The following TTC6 variants were observed in gnomAD, a reference collection of about 807,000 sequenced individuals.
TTC6 encodes tetratricopeptide repeat protein 6.
TTC6 carries 172 observed loss-of-function variants against 210.4 expected under a neutral mutation model. The ratio of observed to expected loss-of-function variants is 0.82; its 90% CI spans 0.72 to 0.93. TTC6 has a LOEUF of 0.93. TTC6 is among the 40% of genes least tolerant of loss of function. The pLI is 0.00. For missense variants in TTC6, 2,414 were observed against 2,318.1 expected, an observed-to-expected ratio of 1.04 and a Z score of -0.85; for synonymous variants, 804 against 819.6, an observed-to-expected ratio of 0.98 and a Z score of 0.32.
chr14:37,808,453 C>T (rs2096123144), intron 23 of TTC6, among the ~76,000 whole-genome samples: 1 of 152,084 alleles, frequency 6.6e-6, no homozygotes, highest in Non-Finnish European at 1.5e-5. Context: ...TTCTCCTTGC[C>T]ATATACCAAC....
In TTC6 at chr14:37,841,429, T is replaced by G. The variant is rs1222264444; in HGVS notation, c.5299-16T>G. 6.4e-7 allele frequency: 1 copy of G among 1,567,958 alleles called. No individual in the cohort carries two copies. The highest frequency in any genetic ancestry group is 8.6e-7 in the Non-Finnish European group (1 of 1,160,258). ...AGTTGCCAATTAAAATATATCATTA[T>G]CTTCATATTTTGTAGGCCAGTGACT... On this transcript the variant is annotated splice_polypyrimidine_tract_variant and intron_variant, in intron 29 of 30. Coordinates refer to ENST00000553443, the Ensembl canonical transcript of TTC6.
intron 3 of TTC6, among the ~76,000 whole-genome samples, chr14:37,689,823 A>G (rs2095800300): frequency 6.6e-6 from 1 of 152,188 alleles, no homozygotes; most frequent in Non-Finnish European, 1.5e-5. Context: ...TACTAAAAGG[A>G]GTACTTCAAC....
chr14:37,813,158 T>C (rs2096133552), intron 25 of TTC6, among the ~76,000 whole-genome samples: 1 of 152,190 alleles, frequency 6.6e-6, no homozygotes, highest in Admixed American at 6.5e-5. Context: ...CATCCTGTTC[T>C]TTTCACCTCC....
upstream of TTC6, among the ~76,000 whole-genome samples, chr14:37,617,430 C>A (rs1338536981): frequency 1.3e-5 from 2 of 152,064 alleles, no homozygotes; most frequent in African/African-American, 4.8e-5. Flanking sequence ...AGAGAGAAAC[C>A]TCTTCTGAGC....
intron 29 of TTC6, among the ~76,000 whole-genome samples, chr14:37,834,223 A>G (rs1195192928): frequency 6.6e-6 from 1 of 152,076 alleles, no homozygotes; most frequent in African/African-American, 2.4e-5. Flanking sequence ...ATCTATATGT[A>G]TATCTCTTCC....
At chr14:37,825,456 C>A (rs2096168683) in intron 27 of TTC6, among the ~76,000 whole-genome samples, 1 of 151,988 alleles carries the variant, frequency 6.6e-6, no homozygotes, top group Non-Finnish European at 1.5e-5. Flanking sequence ...CGAGATCTGG[C>A]AAGATGGGTT....
upstream of TTC6, among the ~76,000 whole-genome samples, chr14:37,617,788 C>A (rs2095645094): frequency 6.6e-6 from 1 of 152,122 alleles, no homozygotes; most frequent in Admixed American, 6.5e-5. Flanking sequence ...TAAGAAGTTT[C>A]TTTTGGAACT....
At chr14:37,751,909 T>C (rs2095953353) in intron 13 of TTC6, among the ~76,000 whole-genome samples, 1 of 150,118 alleles carries the variant, frequency 6.7e-6, no homozygotes, top group Admixed American at 6.7e-5. Context: ...CTGCAAGCTC[T>C]GCCTCCGGGA....
At chr14:37,601,949 G>T (rs942059795) in intron 1 of TTC6, among the ~76,000 whole-genome samples, 12 of 152,202 alleles carry the variant, frequency 7.9e-5, no homozygotes, top group African/African-American at 2.9e-4. Context: ...ACTAGGAGCT[G>T]GAAAGGAAAC....
intron 14 of TTC6, among the ~76,000 whole-genome samples, chr14:37,784,107 G>T (rs1326705532): frequency 6.6e-6 from 1 of 152,242 alleles, no homozygotes; most frequent in African/African-American, 2.4e-5. Flanking sequence ...TGTATATTCT[G>T]TTGATTTGGG....
chr14:37,795,128 T>G, intron 17 of TTC6, 142 bp from the exon 20 acceptor site: 1 of 471,624 alleles, frequency 2.1e-6, no homozygotes, highest in Non-Finnish European at 3.7e-6. Flanking sequence ...TGTATCCCAT[T>G]TGCTTTGTAG....
intron 3 of TTC6, among the ~76,000 whole-genome samples, chr14:37,686,800 T>G (rs2095794753): frequency 6.6e-6 from 1 of 152,136 alleles, no homozygotes; most frequent in Non-Finnish European, 1.5e-5. Flanking sequence ...GATTCACTTA[T>G]CTCCCACTGG....
chr14:37,757,083 G>C (rs979876948), intron 14 of TTC6, among the ~76,000 whole-genome samples: 1 of 151,804 alleles, frequency 6.6e-6, no homozygotes, highest in Non-Finnish European at 1.5e-5. Context: ...CTTGGGAGGG[G>C]GTATGTGTCC....
intron 4 of TTC6, among the ~76,000 whole-genome samples, chr14:37,699,531 A>G (rs1277606200): frequency 1.3e-5 from 2 of 152,220 alleles, no homozygotes; most frequent in African/African-American, 2.4e-5. Flanking sequence ...GCAGTAAGCA[A>G]CAACCAATCA....
chr14:37,646,413 TA>T (rs144204929), intron 1 of TTC6, among the ~76,000 whole-genome samples: 8,460 of 152,106 alleles, frequency 0.056, 356 homozygotes, highest in Non-Finnish European at 0.087. Flanking sequence ...TTCTGGTGCT[TA>T]AAAAGACCTT....
intron 3 of TTC6, among the ~76,000 whole-genome samples, chr14:37,693,850 G>A (rs1163864513): frequency 6.6e-6 from 1 of 152,106 alleles, no homozygotes; most frequent in Non-Finnish European, 1.5e-5. Context: ...TCTTCAATAA[G>A]TGATGCTGGG....
chr14:37,712,311 T>C (rs2095845895), intron 5 of TTC6, among the ~76,000 whole-genome samples: 1 of 152,204 alleles, frequency 6.6e-6, no homozygotes, highest in Non-Finnish European at 1.5e-5. Flanking sequence ...AACTTCTTAG[T>C]CACTGCTCTC....
intron 1 of TTC6, 68 bp from the exon 4 acceptor site, chr14:37,680,083 G>C (rs894862345): frequency 1.2e-6 from 1 of 844,458 alleles, no homozygotes; most frequent in South Asian, 1.7e-5. Context: ...TAGCATTTTA[G>C]TATAATGAAT....
intron 5 of TTC6, among the ~76,000 whole-genome samples, chr14:37,711,602 G>A (rs1432107341): frequency 6.6e-6 from 1 of 152,136 alleles, no homozygotes; most frequent in Non-Finnish European, 1.5e-5. Context: ...TGGGTGGAAG[G>A]TTGGGGGAAG....
Sources: gnomAD v4.1 joint callset for allele counts (sites outside exome capture counted in the v4.1 genomes callset) on GRCh38, gnomAD v4.1.1 for gene constraint, MANE v1.5 for transcripts, NCBI Gene and HGNC (gene_info 2026-07-23, HGNC 2026-07-21) for gene names.